EYS: variants seen among roughly 807,000 people sequenced by gnomAD.
EYS encodes the protein protein eyes shut homolog.
Under a neutral mutation model 282.1 loss-of-function variants are expected in EYS, and 250 were observed. The ratio of observed to expected loss-of-function variants is 0.89; its 90% CI spans 0.80 to 0.98. EYS has a LOEUF of 0.98. EYS is among the 50% of genes least tolerant of loss of function. EYS has a pLI of 0.00. For missense variants in EYS, 4,016 were observed against 3,709.0 expected (o/e 1.08, Z -2.15); for synonymous variants, 1,355 against 1,282.9 (o/e 1.06, Z -1.20).
Position 64,659,822 on chromosome 6 carries a change from T to C in EYS, c.3444-33577A>G, listed in dbSNP as rs556686627. Among the ~76,000 whole-genome samples the C allele has an allele frequency of 7.2e-5, 11 of 152,250 alleles. No individual in the cohort carries two copies. The East Asian group carries it at 1.9e-3, about 27-fold the overall frequency. On this transcript the variant is annotated intron_variant, in intron 22 of 42. Transcript: ENST00000503581. ...TACCAGAGGTACAAGCAGGAGCTGG[T>C]ACCATTCCTTCCGAAATTATTCCAA...
intron 29 of EYS, among the ~76,000 whole-genome samples, chr6:64,369,533 G>A (rs879430522): frequency 5.3e-5 from 8 of 152,090 alleles, no homozygotes; most frequent in African/African-American, 1.2e-4. Flanking sequence ...GGTTCTTCCC[G>A]TCTATGAGCA....
At chr6:64,262,403 A>G (rs1201415434) in intron 30 of EYS, among the ~76,000 whole-genome samples, 1 of 151,644 alleles carries the variant, frequency 6.6e-6, no homozygotes, top group Non-Finnish European at 1.5e-5. Flanking sequence ...TATTTTTATA[A>G]TTATATATGT....
intron 12 of EYS, among the ~76,000 whole-genome samples, chr6:65,291,377 T>A (rs1294266061): frequency 3.3e-5 from 5 of 151,594 alleles, no homozygotes; most frequent in Non-Finnish European, 5.9e-5. Context: ...AGAATTTGGT[T>A]GTACCAAATC....
At chr6:64,979,576 G>A (rs1285877808) in intron 14 of EYS, among the ~76,000 whole-genome samples, 2 of 151,568 alleles carry the variant, frequency 1.3e-5, no homozygotes, top group African/African-American at 4.8e-5. Flanking sequence ...CATCTGACTG[G>A]AATGAAGAAT....
rs550942625 is a variant in EYS, at chr6:64,097,928, A to C, written c.6425-15926T>G. Among the ~76,000 whole-genome samples the C allele has an allele frequency of 2.0e-5, 3 of 152,368 alleles. No individual in the cohort carries two copies. The East Asian group carries it at 5.8e-4, about 29-fold the overall frequency. ...TTATAAAAAGTGAAATGTGTTAAAG[A>C]ATACCTCATGAATACTAGGAAAATA... is the stretch of plus-strand genomic sequence containing the variant. On this transcript the variant is annotated intron_variant, in intron 31 of 42. Transcript: ENST00000503581.
At chr6:63,809,045 C>T (rs866894500) in intron 36 of EYS, among the ~76,000 whole-genome samples, 28 of 152,162 alleles carry the variant, frequency 1.8e-4, no homozygotes, top group African/African-American at 6.5e-4. Context: ...AGTTCTTCCT[C>T]TAAACCGTTA....
At chr6:63,839,973 A>AT (rs1002033678) in intron 36 of EYS, among the ~76,000 whole-genome samples, 16 of 145,414 alleles carry the variant, frequency 1.1e-4, no homozygotes, top group South Asian at 2.2e-4. Flanking sequence ...GATTTTGAGC[A>AT]TTTTTTTTAA....
intron 1 of EYS, among the ~76,000 whole-genome samples, chr6:65,669,212 A>G (rs766989833): frequency 6.6e-6 from 1 of 151,982 alleles, no homozygotes; most frequent in Non-Finnish European, 1.5e-5. Context: ...ACCTGCTTCT[A>G]AACTACAGGC....
chr6:63,951,930 G>T (rs896522399), intron 35 of EYS, among the ~76,000 whole-genome samples: 1 of 152,064 alleles, frequency 6.6e-6, no homozygotes, highest in Non-Finnish European at 1.5e-5. Flanking sequence ...TTCTCAATAT[G>T]CATTTTATTA....
At chr6:63,826,845 C>CAAAAAAAAAAAAAAAAAGAAAAAAA (rs1771475400) in intron 36 of EYS, among the ~76,000 whole-genome samples, 25 of 76,736 alleles carry the variant, frequency 3.3e-4, no homozygotes, top group African/African-American at 5.1e-4. Context: ...AGTTAAAAAG[C>CAAAAAAAAAAAAAAAAAGAAAAAAA]AAAAAAAAAA....
At chr6:65,254,187 A>C (rs114108400) in intron 12 of EYS, among the ~76,000 whole-genome samples, 80 of 151,928 alleles carry the variant, frequency 5.3e-4, no homozygotes, top group African/African-American at 1.9e-3. Flanking sequence ...TTGCTCTTTT[A>C]TAACTAATCC....
chr6:65,678,531 T>C (rs181880919), intron 1 of EYS, among the ~76,000 whole-genome samples: 76 of 152,098 alleles, frequency 5.0e-4, no homozygotes, highest in African/African-American at 1.7e-3. Context: ...GAAAGCTTTA[T>C]AATGTTGGTG....
chr6:64,641,738 C>T (rs914883434), intron 22 of EYS, among the ~76,000 whole-genome samples: 8 of 152,110 alleles, frequency 5.3e-5, no homozygotes, highest in South Asian at 2.1e-4. Flanking sequence ...AGGAGGTGAG[C>T]GGTGGGTAAG....
intron 24 of EYS, among the ~76,000 whole-genome samples, chr6:64,599,859 T>A (rs1766708013): frequency 6.6e-6 from 1 of 152,106 alleles, no homozygotes; most frequent in Non-Finnish European, 1.5e-5. Context: ...AAGTTGATTA[T>A]TTTAGGTAAT....
intron 19 of EYS, among the ~76,000 whole-genome samples, chr6:64,881,462 T>C (rs1338918570): frequency 6.6e-6 from 1 of 151,900 alleles, no homozygotes; most frequent in African/African-American, 2.4e-5. Context: ...AAAGGTAATC[T>C]TATCTGGATG....
intron 35 of EYS, among the ~76,000 whole-genome samples, chr6:63,980,974 G>C (rs1256671731): frequency 6.6e-6 from 1 of 151,838 alleles, no homozygotes; most frequent in Non-Finnish European, 1.5e-5. Context: ...TCAGAATGAG[G>C]CTCACTCAGT....
At chr6:64,918,667 G>A (rs1016992420) in intron 15 of EYS, among the ~76,000 whole-genome samples, 2 of 152,116 alleles carry the variant, frequency 1.3e-5, no homozygotes, top group Non-Finnish European at 2.9e-5. Flanking sequence ...TTGGATAATG[G>A]TTAGTAAGCA....
chr6:65,412,566 C>T (rs773001581), intron 5 of EYS, among the ~76,000 whole-genome samples: 3 of 152,042 alleles, frequency 2.0e-5, no homozygotes, highest in Non-Finnish European at 2.9e-5. Flanking sequence ...CCTTAATTTG[C>T]ATTTATCTCA....
chr6:64,271,633 A>T (rs536435265), intron 30 of EYS, among the ~76,000 whole-genome samples: 1 of 152,168 alleles, frequency 6.6e-6, no homozygotes, highest in Admixed American at 6.5e-5. Flanking sequence ...TAAACTTTAA[A>T]ACTTTACCTT....
Sources: allele counts gnomAD v4.1 joint callset (sites outside exome capture counted in the v4.1 genomes callset), GRCh38; gene constraint gnomAD v4.1.1; transcripts MANE v1.5; gene names NCBI Gene and HGNC (gene_info 2026-07-23, HGNC 2026-07-21).